The following LRRC43 variants were observed in gnomAD, a reference collection of about 807,000 sequenced individuals.
LRRC43 encodes the protein leucine-rich repeat-containing protein 43.
Under a neutral mutation model 64.3 loss-of-function variants are expected in LRRC43, and 62 were observed. That is an observed-to-expected ratio of 0.96 (90% CI 0.79 to 1.19). The LOEUF (loss-of-function observed/expected upper bound fraction) is 1.19. Among genes scored for constraint, LRRC43 ranks in the 50% most tolerant of loss-of-function variants. The pLI, the probability that LRRC43 is intolerant of heterozygous loss-of-function variation, is 0.00. For missense variants in LRRC43, 868 were observed against 845.0 expected, an observed-to-expected ratio of 1.03 and a Z score of -0.34; for synonymous variants, 422 against 382.3, an observed-to-expected ratio of 1.10 and a Z score of -1.21.
chr12:122,201,083 T>TGGTGCTGCC, intron 10 of LRRC43, 149 bp downstream of exon 10: 1 of 1,130,010 alleles, frequency 8.8e-7, no homozygotes. Flanking sequence ...GCTGGGCTGC[T>TGGTGCTGCC]GGTGCTGCCG....
intron 7 of LRRC43, among the ~76,000 whole-genome samples, chr12:122,198,877 C>G (rs953493981): frequency 6.6e-6 from 1 of 151,712 alleles, no homozygotes; most frequent in African/African-American, 2.4e-5. Context: ...AAGTGATCCG[C>G]CCACCTCGGC....
upstream of LRRC43, among the ~76,000 whole-genome samples, chr12:122,181,537 C>T (rs887740711): frequency 3.4e-5 from 5 of 146,676 alleles, no homozygotes; most frequent in South Asian, 2.2e-4. Flanking sequence ...AGGGAGACTC[C>T]GTCTCAAAAA....
Position 122,190,276 on chromosome 12 carries a change from C to A in LRRC43, c.809C>A (p.Thr270Asn). 1 of 1,614,188 alleles carries A rather than the reference C, an allele frequency of 6.2e-7. No individual in the cohort carries two copies. Residue 270 changes from threonine to asparagine, a missense_variant, in exon 5 of 12, where the codon ACC becomes AAC. Thr to Asn is a moderately conservative substitution (Grantham distance 65). Coordinates refer to ENST00000339777, the MANE Select transcript of LRRC43 (RefSeq NM_001098519.2). ...TTGGTGCCCTACTACCGCGGCCTCA[C>A]CATCGACAGCCTGGCCCAGCTCTGC... Reference protein sequence around the residue: ...LALVPYYRGLTIDSLAQLCVL... With the variant: ...LALVPYYRGLNIDSLAQLCVL...
upstream of LRRC43, among the ~76,000 whole-genome samples, chr12:122,178,695 G>A (rs1953557915): frequency 7.0e-6 from 1 of 142,468 alleles, no homozygotes. Flanking sequence ...GGGTTCAAGC[G>A]ATTGTCCTGC....
rs1593145780 is a variant in LRRC43, at chr12:122,186,296, T to C, written c.518T>C (p.Leu173Pro). 6.3e-7 allele frequency: 1 copy of C among 1,590,674 alleles called. No homozygotes were observed. The highest frequency in any genetic ancestry group is 1.7e-5 in the Admixed American group (1 of 57,398). Reference protein sequence around the residue: ...EVDATNLPPTLKVLELYGNEI... With the variant: ...EVDATNLPPTPKVLELYGNEI... ...GATGCCACCAATCTGCCCCCCACAC[T>C]CAAGGTGAAGGAGCCCCGGTCTGTG... Residue 173 changes from leucine to proline, a missense_variant, in exon 3 of 12, where the codon CTC becomes CCC. Transcript: ENST00000339777.
intron 1 of LRRC43, among the ~76,000 whole-genome samples, chr12:122,168,358 T>C (rs1380886899): frequency 6.6e-6 from 1 of 150,818 alleles, no homozygotes; most frequent in Admixed American, 6.6e-5. Context: ...GGAGAATTGC[T>C]AGAACCTGGG....
intron 1 of LRRC43, chr12:122,174,120 A>T: frequency 6.2e-7 from 1 of 1,614,090 alleles, no homozygotes; most frequent in Non-Finnish European, 8.5e-7. Flanking sequence ...AGATAAGATG[A>T]TGCCCAAGAC....
chr12:122,191,623 T>G, intron 6 of LRRC43, 56 bp downstream of exon 6: 13 of 1,350,148 alleles, frequency 9.6e-6, no homozygotes, highest in Non-Finnish European at 1.2e-5. Context: ...GCTGAACTGC[T>G]TTGTGGGCCC....
intron 1 of LRRC43, among the ~76,000 whole-genome samples, chr12:122,176,947 C>T (rs892440366): frequency 4.5e-4 from 69 of 152,036 alleles, no homozygotes; most frequent in African/African-American, 1.5e-3. Flanking sequence ...CATCCCAAGT[C>T]CCCCTGCCGC....
chr12:122,170,821 G>T (rs1271891479), intron 1 of LRRC43, among the ~76,000 whole-genome samples: 1 of 151,878 alleles, frequency 6.6e-6, no homozygotes, highest in African/African-American at 2.4e-5. Flanking sequence ...GGTGCTGGTA[G>T]ACTCAAGATT....
At position 122,200,446 on chromosome 12, in the gene LRRC43, C is replaced by A. The variant is rs762220436; in HGVS notation, c.1492-86C>A. 8.7e-6 allele frequency: 14 copies of A among 1,608,984 alleles called. No individual in the cohort carries two copies. Among genetic ancestry groups the A allele is most frequent in the Non-Finnish European group, 1.2e-5 (14 of 1,176,142 alleles). On this transcript the variant is annotated intron_variant, in intron 8 of 11. Transcript: ENST00000339777. The surrounding 1 kb of genome is among the most constrained non-coding windows in gnomAD (Gnocchi z 4.6). Reference sequence around the variant, plus strand: ...ACTCCCTGGTTAGATGAGTTCTCAGCGCCATTCCAGAAAGGGTGAGGGAGA... The same window carrying A: ...ACTCCCTGGTTAGATGAGTTCTCAGAGCCATTCCAGAAAGGGTGAGGGAGA...
rs753161019 is a variant in LRRC43, at chr12:122,187,687, G to T, written c.523-14G>T. The T allele has an allele frequency of 1.2e-6, 2 of 1,612,196 alleles. No individual in the cohort carries two copies. The highest frequency in any genetic ancestry group is 1.7e-6 in the Non-Finnish European group (2 of 1,179,852). ...GGGGCCCCATCGTCCCGGGCCTTCC[G>T]TGTGGTCTCCCAGGTGCTGGAGCTC... On this transcript the variant is annotated splice_polypyrimidine_tract_variant and intron_variant, in intron 3 of 11. Transcript: ENST00000339777.
chr12:122,183,292 T>C lies in LRRC43; in HGVS notation c.148T>C (p.Trp50Arg). The change falls in exon 1 of 12, where the codon TGG (tryptophan) becomes CGG (arginine). Residue 50 changes from tryptophan (W) to arginine (R), a missense_variant and splice_region_variant. Trp to Arg is a moderately radical substitution (Grantham distance 101). Transcript: ENST00000339777. ...CGAGTTCCCGTGCGGTGCCGGCAGC[T>C]GGGTGCGGGCGCCGGGGCCGGAACT... ...LREFPCGAGS[W>R]NKSRFLPQTW... The C allele has an allele frequency of 6.6e-7, 1 of 1,511,222 alleles. No individual in the cohort carries two copies. The allele number at this position is 1,511,222 out of a possible 1,614,324, so 93.6% of individuals were successfully genotyped here.
At chr12:122,183,706 A>G (rs1953607963) in intron 1 of LRRC43, among the ~76,000 whole-genome samples, 4 of 152,180 alleles carry the variant, frequency 2.6e-5, no homozygotes, top group Admixed American at 2.6e-4. Flanking sequence ...AGTCCAGGAG[A>G]AGGGGTTACC....
chr12:122,182,634 G>A (rs1357317111), upstream of LRRC43, among the ~76,000 whole-genome samples: 3 of 151,836 alleles, frequency 2.0e-5, no homozygotes, highest in Non-Finnish European at 4.4e-5. Flanking sequence ...CGGAGATTGC[G>A]GTGAGCTGAG....
At chr12:122,195,085 A>T (rs190767079) in intron 7 of LRRC43, among the ~76,000 whole-genome samples, 25 of 152,232 alleles carry the variant, frequency 1.6e-4, no homozygotes, top group Admixed American at 7.9e-4. Context: ...CATGTATTCA[A>T]CTTCTTTTCA....
intron 7 of LRRC43, among the ~76,000 whole-genome samples, chr12:122,197,549 C>T (rs1053265893): frequency 1.9e-4 from 29 of 151,996 alleles, no homozygotes; most frequent in Non-Finnish European, 1.6e-4. Flanking sequence ...TCGTCACGTC[C>T]GCAAGGTTGG....
At chr12:122,189,415 A>C in intron 4 of LRRC43, 1 of 456,632 alleles carries the variant, frequency 2.2e-6, no homozygotes, top group South Asian at 1.5e-5. Context: ...TCTTAGGGGA[A>C]GAGTGAGGCT....
At chr12:122,181,941 C>T (rs1209405915), upstream of LRRC43, among the ~76,000 whole-genome samples, 1 of 151,840 alleles carries the variant, frequency 6.6e-6, no homozygotes, top group Non-Finnish European at 1.5e-5. Context: ...GTCCCGATAT[C>T]GTATAGTCAA....
Sources: allele counts gnomAD v4.1 joint callset (sites outside exome capture counted in the v4.1 genomes callset), GRCh38; gene constraint gnomAD v4.1.1; non-coding constraint Gnocchi (gnomAD v3.1); transcripts MANE v1.5; gene names NCBI Gene and HGNC (gene_info 2026-07-23, HGNC 2026-07-21).